The following DNAH11 variants were observed in gnomAD, a reference collection of about 807,000 sequenced individuals.
The protein encoded by DNAH11 is dynein axonemal heavy chain 11.
In DNAH11, 442 loss-of-function variants were observed where a neutral mutation model predicts 526.0. The ratio of observed to expected loss-of-function variants is 0.84; its 90% CI spans 0.78 to 0.91. DNAH11 has a LOEUF of 0.91. Among genes scored for constraint, DNAH11 ranks in the 40% least tolerant of loss-of-function variants. The probability of loss-of-function intolerance (pLI) is 0.00; values close to 1 mark genes in which losing one functional copy is unlikely to be tolerated. For synonymous variants in DNAH11, 2,461 were observed against 1,935.9 expected, an observed-to-expected ratio of 1.27 and a Z score of -7.12; for missense variants, 6,989 against 5,448.7, an observed-to-expected ratio of 1.28 and a Z score of -8.90.
At position 21,704,375 on chromosome 7, in the gene DNAH11, T is replaced by C. The variant is rs1784178366; in HGVS notation, c.6274-59T>C. On this transcript the variant is annotated intron_variant, in intron 37 of 81. Coordinates refer to ENST00000409508, the MANE Select transcript of DNAH11 (RefSeq NM_001277115.2). ...GAGTAAAAATAACAAACATCTTTAG[T>C]TTTTTAGGTGTTTGTTAGACCTTGT... 5.4e-6 allele frequency: 8 copies of C among 1,493,694 alleles called. No homozygotes were observed. The South Asian group carries it at 1.0e-4, about 19-fold the overall frequency. The allele number at this position is 1,493,694 out of a possible 1,614,324, so 92.5% of individuals were successfully genotyped here. A position where few individuals can be genotyped will look rare whatever the true frequency, so the allele number is the denominator to read the frequency against.
At chr7:21,659,078 G>A in intron 30 of DNAH11, 47 bp downstream of exon 30, 1 of 1,414,376 alleles carries the variant, frequency 7.1e-7, no homozygotes, top group Non-Finnish European at 9.6e-7. Context: ...ACTTCAAGAT[G>A]TAAGCTTGCT....
chr7:21,675,267 T>C (rs62445272), intron 30 of DNAH11, among the ~76,000 whole-genome samples: 17,217 of 152,232 alleles, frequency 0.11, 1,257 homozygotes, highest in Non-Finnish European at 0.16. Flanking sequence ...CTCCTTCCTA[T>C]GCCGCCCACT....
intron 65 of DNAH11, among the ~76,000 whole-genome samples, chr7:21,832,808 G>T (rs753429261): frequency 1.3e-5 from 2 of 152,156 alleles, no homozygotes; most frequent in Admixed American, 6.5e-5. Context: ...GAAACAAGAA[G>T]AATATATGGC....
intron 63 of DNAH11, among the ~76,000 whole-genome samples, chr7:21,810,750 G>A (rs1025436518): frequency 8.1e-4 from 123 of 152,178 alleles, no homozygotes; most frequent in African/African-American, 2.7e-3. Context: ...AGGCAGGTAA[G>A]CCAGAAAGAA....
chr7:21,666,251 G>A lies in DNAH11; in HGVS notation c.5328+7220G>A, dbSNP rs542544339. Among the ~76,000 whole-genome samples, 16 of 151,650 alleles carry A rather than the reference G, an allele frequency of 1.1e-4. 1 individual carries two copies. In the South Asian group the frequency reaches 1.2e-3, roughly 12 times the overall value. On this transcript the variant is annotated intron_variant, in intron 30 of 81. Transcript: ENST00000409508. ...AAATACTGCATTTTGAATATATATC[G>A]CTGCCTTGTCAGAGTCTTTGAAAAA... is the stretch of plus-strand genomic sequence containing the variant.
At chr7:21,714,191 G>A (rs964189466) in intron 42 of DNAH11, among the ~76,000 whole-genome samples, 1 of 152,116 alleles carries the variant, frequency 6.6e-6, no homozygotes, top group Admixed American at 6.5e-5. Context: ...AAAGGTCACG[G>A]GTTGGCTAAA....
At chr7:21,664,513 C>T (rs1273684859) in intron 30 of DNAH11, among the ~76,000 whole-genome samples, 1 of 151,838 alleles carries the variant, frequency 6.6e-6, no homozygotes. Context: ...GGCTGGAGTT[C>T]AGTGAAGAAA....
At chr7:21,690,689 C>T (rs72657335) in intron 34 of DNAH11, 76 bp from the exon 35 acceptor site, 5 of 1,070,372 alleles carry the variant, frequency 4.7e-6, no homozygotes, top group Non-Finnish European at 5.6e-6. Context: ...TTGCATTTTG[C>T]AGTGGTTTGC....
chr7:21,859,201 C>T (rs1313217818), intron 68 of DNAH11, among the ~76,000 whole-genome samples: 2 of 152,094 alleles, frequency 1.3e-5, no homozygotes, highest in East Asian at 3.9e-4. Flanking sequence ...GCAATCTCCA[C>T]CTCCCAGGTT....
chr7:21,807,163 G>T (rs1489330957), intron 62 of DNAH11, among the ~76,000 whole-genome samples: 7 of 152,152 alleles, frequency 4.6e-5, no homozygotes, highest in Non-Finnish European at 1.0e-4. Flanking sequence ...GACTAGGGCA[G>T]TGTAGTGGGA....
chr7:21,889,738 A>AT (rs1475007474), intron 76 of DNAH11, among the ~76,000 whole-genome samples: 1 of 152,192 alleles, frequency 6.6e-6, no homozygotes, highest in African/African-American at 2.4e-5. Flanking sequence ...TCTTTGAGGC[A>AT]TTATAACAGC....
chr7:21,774,431 C>T (rs1787575418), intron 56 of DNAH11, among the ~76,000 whole-genome samples: 1 of 152,072 alleles, frequency 6.6e-6, no homozygotes, highest in Admixed American at 6.5e-5. Flanking sequence ...AGAGCTGTTC[C>T]TCCCTTAGTG....
In DNAH11 at chr7:21,761,835, A is replaced by AT. The variant is rs564623137; in HGVS notation, c.8941-3591dup. Among the ~76,000 whole-genome samples, 89 of 152,346 alleles carry AT rather than the reference A, an allele frequency of 5.8e-4. 1 individual carries two copies. The highest frequency in any genetic ancestry group is 2.1e-3 in the African/African-American group (88 of 41,578). The stretch of plus-strand genomic sequence containing the variant: ...AAGAATAATGGTTCTCTAAGTGACC[A>AT]TTCTGTATTATTTTTCAATAAATAA... On this transcript the variant is annotated intron_variant, in intron 54 of 81. Transcript: ENST00000409508.
chr7:21,687,269 A>T lies in DNAH11; in HGVS notation c.5778+14A>T. On this transcript the variant is annotated intron_variant, in intron 33 of 81. Coordinates refer to ENST00000409508, the MANE Select transcript of DNAH11 (RefSeq NM_001277115.2). ...ATGGACTACAAAGTAAGTTAGTAAGAGAATAATGTGTAAAACTTTATTCTC... is the reference window on the plus strand; with the variant it reads ...ATGGACTACAAAGTAAGTTAGTAAGTGAATAATGTGTAAAACTTTATTCTC... 6 of 1,564,858 alleles carry T rather than the reference A, an allele frequency of 3.8e-6. No individual in the cohort carries two copies. The highest frequency in any genetic ancestry group is 5.2e-6 in the Non-Finnish European group (6 of 1,155,514).
chr7:21,711,587 G>C, intron 41 of DNAH11, 125 bp from the exon 42 acceptor site: 1 of 1,335,770 alleles, frequency 7.5e-7, no homozygotes, highest in Non-Finnish European at 1.0e-6. Flanking sequence ...TATTCAGACT[G>C]CACTTCTGAT....
chr7:21,751,381 C>T lies in DNAH11; in HGVS notation c.8940+1017C>T, dbSNP rs148324239. On this transcript the variant is annotated intron_variant, in intron 54 of 81. Transcript: ENST00000409508. Reference sequence around the variant, plus strand: ...GAAGGATTACCCCAGTGTTCTTCCTCATTGGCTGCTCTGTGCTATAGTGTA... The same window carrying T: ...GAAGGATTACCCCAGTGTTCTTCCTTATTGGCTGCTCTGTGCTATAGTGTA... 6.9e-3 allele frequency among the ~76,000 whole-genome samples: 1,050 copies of T among 152,248 alleles called. 8 individuals are homozygous for T. The highest frequency in any genetic ancestry group is 0.024 in the African/African-American group (1,013 of 41,542).
At chr7:21,545,484 TAGC>T (rs1782774244) in intron 2 of DNAH11, among the ~76,000 whole-genome samples, 1 of 152,150 alleles carries the variant, frequency 6.6e-6, no homozygotes, top group Non-Finnish European at 1.5e-5. Context: ...TCTTGCACCT[TAGC>T]AGCAGGTTTT....
chr7:21,544,534 A>G (rs1215599080), intron 1 of DNAH11, among the ~76,000 whole-genome samples: 4 of 152,216 alleles, frequency 2.6e-5, no homozygotes, highest in Non-Finnish European at 5.9e-5. Flanking sequence ...GGAATGACTC[A>G]GTAGTTGTGG....
In DNAH11 at chr7:21,779,042, A is replaced by G. The variant is rs1037417688; in HGVS notation, c.9421A>G (p.Ile3141Val). The change falls in exon 57 of 82, where the codon ATC becomes GTC. Residue 3141 changes from isoleucine to valine, a missense_variant. Ile to Val is a conservative substitution (Grantham distance 29). Transcript: ENST00000409508. ...NHDAEALITK[I>V]GLQTEKVSRE... ...TGATGCCGAAGCTCTGATCACAAAG[A>G]TCGGCCTTCAGACGGAGAAAGTGAG... The G allele has an allele frequency of 3.1e-6, 5 of 1,613,364 alleles. No homozygotes were observed. In the Admixed American group the frequency reaches 8.3e-5, roughly 27 times the overall value.
Sources: allele counts gnomAD v4.1 joint callset (sites outside exome capture counted in the v4.1 genomes callset), GRCh38; gene constraint gnomAD v4.1.1; transcripts MANE v1.5; gene names NCBI Gene and HGNC (gene_info 2026-07-23, HGNC 2026-07-21).